The following TSPAN32 variants were observed in gnomAD, a reference collection of about 807,000 sequenced individuals.
The protein encoded by TSPAN32 is tetraspanin 32.
In TSPAN32, 47 loss-of-function variants were observed where a neutral mutation model predicts 42.7. The ratio of observed to expected loss-of-function variants is 1.10; its 90% CI spans 0.87 to 1.40. TSPAN32 has a LOEUF of 1.40. Among genes scored for constraint, TSPAN32 ranks in the 40% most tolerant of loss-of-function variants. TSPAN32 has a pLI of 0.00. For missense variants in TSPAN32, 469 were observed against 424.1 expected (o/e 1.11, Z -0.93); for synonymous variants, 175 against 175.9 (o/e 0.99, Z 0.04).
chr11:2,311,495 C>T (rs1022381219), intron 4 of TSPAN32, among the ~76,000 whole-genome samples: 20 of 152,138 alleles, frequency 1.3e-4, no homozygotes, highest in African/African-American at 3.6e-4. Context: ...GGTGCAGCCT[C>T]GTCCTCACAG....
intron 4 of TSPAN32, among the ~76,000 whole-genome samples, chr11:2,311,722 C>T (rs565469542): frequency 6.6e-6 from 1 of 152,342 alleles, no homozygotes; most frequent in South Asian, 2.1e-4. Flanking sequence ...AAGATCTGGT[C>T]ATGGGGAAAA....
intron 3 of TSPAN32, among the ~76,000 whole-genome samples, chr11:2,307,433 C>T (rs899613136): frequency 3.0e-4 from 46 of 152,290 alleles, no homozygotes; most frequent in East Asian, 2.3e-3. Context: ...GGCGTTTCAC[C>T]GGGGCCTCAG....
In TSPAN32 at chr11:2,302,846, G is replaced by C; in HGVS notation, c.69G>C (p.Leu23=). 2 of 1,613,146 alleles carry C rather than the reference G, an allele frequency of 1.2e-6. No homozygotes were observed. The highest frequency in any genetic ancestry group is 2.2e-5 in the East Asian group (1 of 44,872). ...QMLVTCFFIL[L]LGLSVATMVT... is the part of the protein sequence containing the mutation. Reference sequence around the variant, plus strand: ...CTCTGAGTCTGCCCTATCCACAGCTGCTGGGCCTCTCTGTGGCCACCATGG... The same window carrying C: ...CTCTGAGTCTGCCCTATCCACAGCTCCTGGGCCTCTCTGTGGCCACCATGG... Residue 23 remains leucine (L), a splice_region_variant and synonymous_variant, in exon 2 of 10, where the codon CTG becomes CTC. Coordinates refer to ENST00000182290, the MANE Select transcript of TSPAN32 (RefSeq NM_139022.3).
chr11:2,318,007 T>C lies in TSPAN32; in HGVS notation c.*83T>C, dbSNP rs1848903318. 2 of 703,294 alleles carry C rather than the reference T, an allele frequency of 2.8e-6. No homozygotes were observed. Among genetic ancestry groups the C allele is most frequent in the Non-Finnish European group, 5.2e-6 (2 of 387,700 alleles). 43.6% of individuals were successfully genotyped at this position (703,294 alleles called of 1,614,324 possible). A position where few individuals can be genotyped will look rare whatever the true frequency, so the allele number is the denominator to read the frequency against. Reference sequence around the variant, plus strand: ...CAGGACCATTCAGGCTGTTGACAAGTCAACTCCTCATGGCTGTAGGACTGA... The same window carrying C: ...CAGGACCATTCAGGCTGTTGACAAGCCAACTCCTCATGGCTGTAGGACTGA... On this transcript the variant is annotated 3_prime_UTR_variant, in exon 10 of 10. Coordinates refer to ENST00000182290, the MANE Select transcript of TSPAN32 (RefSeq NM_139022.3). This position sits in a 1 kb window ranked among gnomAD's most constrained non-coding sequence, Gnocchi z 4.2.
At position 2,318,157 on chromosome 11, in the gene TSPAN32, AT is replaced by A; in HGVS notation, c.*234del. On this transcript the variant is annotated 3_prime_UTR_variant, in exon 10 of 10. Transcript: ENST00000182290. This position sits in a 1 kb window ranked among gnomAD's most constrained non-coding sequence, Gnocchi z 4.2. ...TACCATCTTAACCATTGTTAAGTGT[AT>A]GGTTTGTGGCATTAAATACATTCAC... is the stretch of plus-strand genomic sequence containing the variant. The A allele has an allele frequency of 1.9e-6, 1 of 526,774 alleles. No individual in the cohort carries two copies. The highest frequency in any genetic ancestry group is 3.3e-6 in the Non-Finnish European group (1 of 301,554). 32.6% of individuals were successfully genotyped at this position (526,774 alleles called of 1,614,324 possible).
At chr11:2,314,162 T>TAAAA (rs34185560) in intron 5 of TSPAN32, among the ~76,000 whole-genome samples, 18 of 137,690 alleles carry the variant, frequency 1.3e-4, no homozygotes, top group African/African-American at 2.2e-4. Flanking sequence ...GTCTCTACTT[T>TAAAA]AAAAAAAAAA....
At chr11:2,306,122 G>A (rs1292582927) in intron 3 of TSPAN32, among the ~76,000 whole-genome samples, 1 of 151,644 alleles carries the variant, frequency 6.6e-6, no homozygotes, top group Admixed American at 6.6e-5. Context: ...CGGGTGTGGT[G>A]TCTGCGTGTT....
intron 3 of TSPAN32, among the ~76,000 whole-genome samples, chr11:2,305,380 C>T (rs544000715): frequency 1.3e-4 from 20 of 151,762 alleles, no homozygotes; most frequent in Non-Finnish European, 2.2e-4. Flanking sequence ...GCCCCCCCCC[C>T]CAGAGGGTGT....
At chr11:2,305,378 C>CCT (rs1554938646) in intron 3 of TSPAN32, among the ~76,000 whole-genome samples, 4 of 151,414 alleles carry the variant, frequency 2.6e-5, no homozygotes, top group Non-Finnish European at 4.4e-5. Flanking sequence ...CTGCCCCCCC[C>CCT]CCCAGAGGGT....
At chr11:2,308,851 C>A in intron 4 of TSPAN32, 41 bp downstream of exon 4, 2 of 1,323,048 alleles carry the variant, frequency 1.5e-6, no homozygotes, top group Non-Finnish European at 2.1e-6. Flanking sequence ...GAGGGTCCCC[C>A]AGTAAGCCAG....
At chr11:2,312,089 C>T (rs1046993135) in intron 4 of TSPAN32, among the ~76,000 whole-genome samples, 1 of 148,116 alleles carries the variant, frequency 6.8e-6, no homozygotes, top group African/African-American at 2.6e-5. Context: ...GCAGAGCAGG[C>T]CCCTCAGCCA....
chr11:2,309,415 C>T (rs1223090898), intron 4 of TSPAN32: 1 of 462,606 alleles, frequency 2.2e-6, no homozygotes, highest in South Asian at 1.6e-5. Flanking sequence ...GTGGAAAGGC[C>T]AGCAGCTTGG....
intron 3 of TSPAN32, among the ~76,000 whole-genome samples, chr11:2,305,874 A>G (rs1164035752): frequency 1.3e-5 from 2 of 152,250 alleles, no homozygotes; most frequent in Non-Finnish European, 2.9e-5. Context: ...TGGTGAGCTC[A>G]GCATGGCCAC....
rs1848586279 is a variant in TSPAN32, at chr11:2,313,420, G to A, written c.355-234G>A. ...CTGCGGGACCCTCTGGGGGCAGGAG[G>A]GCCACTCTGACGGCCATTGTGTGAA... On this transcript the variant is annotated intron_variant, in intron 4 of 9. Transcript: ENST00000182290. The surrounding 1 kb of genome is among the most constrained non-coding windows in gnomAD (Gnocchi z 9.1). 1.3e-5 allele frequency among the ~76,000 whole-genome samples: 2 copies of A among 152,212 alleles called. No individual in the cohort carries two copies. Among genetic ancestry groups the A allele is most frequent in the African/African-American group, 2.4e-5 (1 of 41,452 alleles).
chr11:2,314,562 G>A lies in TSPAN32; in HGVS notation c.534G>A (p.Ala178=), dbSNP rs768658357. 1.4e-5 allele frequency: 23 copies of A among 1,608,384 alleles called. No homozygotes were observed. The highest frequency in any genetic ancestry group is 1.6e-4 in the Middle Eastern group (1 of 6,070). The change falls in exon 6 of 10, where the codon GCG becomes GCA. Residue 178 remains alanine (A), a synonymous_variant. Coordinates refer to ENST00000182290, the MANE Select transcript of TSPAN32 (RefSeq NM_139022.3). ...CTGACCTGTGTCAGGGAGAGGAGGCGGCGAGAGAGGTGAGGGGGGGACCTG... is the reference window on the plus strand; with the variant it reads ...CTGACCTGTGTCAGGGAGAGGAGGCAGCGAGAGAGGTGAGGGGGGGACCTG... The part of the protein sequence containing the change: ...TEADLCQGEE[A]AREDCLQGIR...
intron 3 of TSPAN32, among the ~76,000 whole-genome samples, chr11:2,308,093 C>A (rs1044263428): frequency 5.9e-5 from 9 of 152,172 alleles, no homozygotes; most frequent in African/African-American, 2.2e-4. Context: ...TCCATCTTCT[C>A]AGGGGTGCCC....
Position 2,311,553 on chromosome 11 carries a change from G to A in TSPAN32, c.355-2101G>A, listed in dbSNP as rs796926839. On this transcript the variant is annotated intron_variant, in intron 4 of 9. Transcript: ENST00000182290. ...ACCCTCCCTGGATCCTCCAGCCGCC[G>A]AGTGGGCTCAGGCCAGAGCCAGCTC... Among the ~76,000 whole-genome samples the A allele has an allele frequency of 2.4e-4, 36 of 152,228 alleles. 1 individual carries two copies. The highest frequency in any genetic ancestry group is 8.2e-4 in the African/African-American group (34 of 41,530).
At position 2,317,957 on chromosome 11, in the gene TSPAN32, G is replaced by T. The variant is rs1329309130; in HGVS notation, c.*33G>T. 1.2e-6 allele frequency: 1 copy of T among 831,358 alleles called. No homozygotes were observed. The highest frequency in any genetic ancestry group is 2.4e-5 in the East Asian group (1 of 41,388). 51.5% of individuals were successfully genotyped at this position (831,358 alleles called of 1,614,324 possible). ...CCTTGGTGGGCTGCACTCTCACCTG[G>T]AGGCTCCGGGGAAGCATCTGCCTCC... is the stretch of plus-strand genomic sequence containing the variant. On this transcript the variant is annotated 3_prime_UTR_variant, in exon 10 of 10. Coordinates refer to ENST00000182290, the MANE Select transcript of TSPAN32 (RefSeq NM_139022.3). This position sits in a 1 kb window ranked among gnomAD's most constrained non-coding sequence, Gnocchi z 6.2.
chr11:2,307,564 G>T (rs1848191015), intron 3 of TSPAN32, among the ~76,000 whole-genome samples: 1 of 152,148 alleles, frequency 6.6e-6, no homozygotes, highest in Non-Finnish European at 1.5e-5. Context: ...ACATCCCCAG[G>T]GTTCTTAGCC....
Sources: allele counts gnomAD v4.1 joint callset (sites outside exome capture counted in the v4.1 genomes callset), GRCh38; gene constraint gnomAD v4.1.1; non-coding constraint Gnocchi (gnomAD v3.1); transcripts MANE v1.5; gene names NCBI Gene and HGNC (gene_info 2026-07-23, HGNC 2026-07-21).